R3HDM2: variants seen among roughly 807,000 people sequenced by gnomAD.
The protein encoded by R3HDM2 is R3H domain-containing protein 2.
Under a neutral mutation model 124.5 loss-of-function variants are expected in R3HDM2, and 38 were observed. The observed-to-expected ratio is 0.31, with a 90% CI of 0.24 to 0.40. R3HDM2 has a LOEUF of 0.40. Ranked by LOEUF, R3HDM2 falls within the 10% of genes least tolerant of loss-of-function variation. The pLI, the probability that R3HDM2 is intolerant of heterozygous loss-of-function variation, is 1.00. For synonymous variants in R3HDM2, 391 were observed against 448.0 expected, an observed-to-expected ratio of 0.87 and a Z score of 1.61; for missense variants, 869 against 1,236.9, an observed-to-expected ratio of 0.70 and a Z score of 4.46.
intron 2 of R3HDM2, among the ~76,000 whole-genome samples, chr12:57,344,702 A>T (rs973776108): frequency 1.2e-4 from 19 of 152,346 alleles, no homozygotes; most frequent in African/African-American, 4.6e-4. Context: ...TCACTTGATG[A>T]GTTCAACAGC....
chr12:57,329,203 A>G (rs943110518), intron 2 of R3HDM2, among the ~76,000 whole-genome samples: 1 of 152,340 alleles, frequency 6.6e-6, no homozygotes, highest in Middle Eastern at 3.4e-3. Flanking sequence ...CCTTGTACCT[A>G]ACACTATCTC....
At chr12:57,302,092 G>A (rs528392968) in intron 4 of R3HDM2, among the ~76,000 whole-genome samples, 3 of 151,916 alleles carry the variant, frequency 2.0e-5, no homozygotes, top group East Asian at 3.9e-4. Flanking sequence ...AACAGCCTGC[G>A]TGACATGGCA....
intron 1 of R3HDM2, among the ~76,000 whole-genome samples, chr12:57,401,538 T>C (rs2068051147): frequency 6.6e-6 from 1 of 152,198 alleles, no homozygotes; most frequent in Non-Finnish European, 1.5e-5. Context: ...CTTGCTCAAA[T>C]TGCCAGCCCA....
chr12:57,377,107 A>AAATAAATAAATAAATAAATAAAT (rs1566405448), intron 2 of R3HDM2, among the ~76,000 whole-genome samples: 1 of 18,410 alleles, frequency 5.4e-5, no homozygotes, highest in Non-Finnish European at 1.3e-4. Flanking sequence ...AATAAATAAA[A>AAATAAATAAATAAATAAATAAAT]GAGACTTGGT....
At chr12:57,377,044 TA>T (rs1188456294) in intron 2 of R3HDM2, among the ~76,000 whole-genome samples, 3 of 150,424 alleles carry the variant, frequency 2.0e-5, no homozygotes, top group Non-Finnish European at 4.4e-5. Context: ...CTCTTTGCAA[TA>T]AATCTTGCTG....
chr12:57,323,260 C>T (rs1271910527), intron 2 of R3HDM2, among the ~76,000 whole-genome samples: 1 of 152,098 alleles, frequency 6.6e-6, no homozygotes, highest in Non-Finnish European at 1.5e-5. Flanking sequence ...AAATGCCTAA[C>T]AGCCGTTTGG....
At chr12:57,322,906 G>A (rs778822829) in intron 2 of R3HDM2, among the ~76,000 whole-genome samples, 9 of 152,030 alleles carry the variant, frequency 5.9e-5, no homozygotes, top group Non-Finnish European at 1.3e-4. Flanking sequence ...ACCAGTGGGG[G>A]AACATATTTT....
At chr12:57,288,971 C>A (rs1451652676) in intron 12 of R3HDM2, 38 bp downstream of exon 12, 2 of 1,546,818 alleles carry the variant, frequency 1.3e-6, no homozygotes, top group Admixed American at 3.9e-5. Flanking sequence ...ACTGGCAAAG[C>A]TCAATGAGAA....
At chr12:57,319,074 A>T (rs1366926052) in intron 2 of R3HDM2, among the ~76,000 whole-genome samples, 1 of 152,188 alleles carries the variant, frequency 6.6e-6, no homozygotes, top group African/African-American at 2.4e-5. Flanking sequence ...GGTATTTAGA[A>T]GCTTTCTCAT....
chr12:57,360,006 A>T (rs7303674), intron 2 of R3HDM2, among the ~76,000 whole-genome samples: 3,932 of 116,376 alleles, frequency 0.034, 80 homozygotes, highest in Non-Finnish European at 0.039. Flanking sequence ...TAAATAAATA[A>T]ATATATATAT....
chr12:57,303,352 G>A, intron 3 of R3HDM2, 135 bp from the exon 4 acceptor site: 1 of 749,738 alleles, frequency 1.3e-6, no homozygotes. Flanking sequence ...AGGACCACTT[G>A]ATGTGGGTTT....
chr12:57,261,157 C>T (rs2040715439), intron 19 of R3HDM2, among the ~76,000 whole-genome samples: 1 of 152,134 alleles, frequency 6.6e-6, no homozygotes, highest in South Asian at 2.1e-4. Context: ...TTTATTTCCC[C>T]ATCCTAAGAA....
At chr12:57,362,178 A>G (rs746393167) in intron 2 of R3HDM2, among the ~76,000 whole-genome samples, 4 of 152,112 alleles carry the variant, frequency 2.6e-5, no homozygotes, top group Non-Finnish European at 5.9e-5. Context: ...CTATTTCTGT[A>G]AAGTTACAAC....
intron 18 of R3HDM2, 177 bp downstream of exon 18, chr12:57,268,126 C>T: frequency 1.8e-6 from 1 of 543,728 alleles, no homozygotes; most frequent in Non-Finnish European, 3.0e-6. Flanking sequence ...ACCTCTTAGG[C>T]ACATGTCAAA....
chr12:57,388,074 C>A (rs1250967873), intron 2 of R3HDM2, among the ~76,000 whole-genome samples: 1 of 152,078 alleles, frequency 6.6e-6, no homozygotes, highest in Non-Finnish European at 1.5e-5. Context: ...AAGCGATTCT[C>A]TTGCCTCAGC....
chr12:57,295,475 T>C lies in R3HDM2; in HGVS notation c.734A>G (p.Asp245Gly), dbSNP rs1403799060. 1 of 1,551,706 alleles carries C rather than the reference T, an allele frequency of 6.4e-7. No homozygotes were observed. The highest frequency in any genetic ancestry group is 8.7e-7 in the Non-Finnish European group (1 of 1,146,918). The change falls in exon 10 of 24, where the codon GAT (aspartate) becomes GGT (glycine). Residue 245 changes from aspartate to glycine, a missense_variant. Around this residue, in one of 2 missense-constraint regions of R3HDM2, gnomAD observed 267 missense variants for 447.7 expected, o/e 0.60. Coordinates refer to ENST00000402412, the MANE Select transcript of R3HDM2 (RefSeq NM_001394031.1). ...CTGTTGAAATTCTGTATTCTTCTCA[T>C]CCTTTATATGTTCTGAGAACCTCTG... ...PEQRFSEHIK[D>G]EKNTEFQQRF...
chr12:57,383,298 G>A (rs1169355635), intron 2 of R3HDM2, among the ~76,000 whole-genome samples: 1 of 152,180 alleles, frequency 6.6e-6, no homozygotes, highest in Non-Finnish European at 1.5e-5. Flanking sequence ...CCAACCTGGA[G>A]TGAGACCCTG....
At chr12:57,272,627 G>A in intron 14 of R3HDM2, 1 of 284,906 alleles carries the variant, frequency 3.5e-6, no homozygotes, top group Non-Finnish European at 6.5e-6. Context: ...TGGGGTGGGG[G>A]GGGGGTGCGG....
At chr12:57,260,554 C>T (rs1467443233) in intron 19 of R3HDM2, among the ~76,000 whole-genome samples, 2 of 152,070 alleles carry the variant, frequency 1.3e-5, no homozygotes, top group Admixed American at 1.3e-4. Flanking sequence ...TGGACAGTCC[C>T]TGCTGGGAGG....
Sources: allele counts gnomAD v4.1 joint callset (sites outside exome capture counted in the v4.1 genomes callset), GRCh38; gene constraint gnomAD v4.1.1; regional missense constraint gnomAD v4.1.1; transcripts MANE v1.5; gene names NCBI Gene and HGNC (gene_info 2026-07-23, HGNC 2026-07-21).